The following CAP2 variants were observed in gnomAD, a reference collection of about 807,000 sequenced individuals.
CAP2 encodes the protein cyclase associated actin cytoskeleton regulatory protein 2, also known as adenylyl cyclase-associated protein 2.
In CAP2, 24 loss-of-function variants were observed where a neutral mutation model predicts 57.7. The ratio of observed to expected loss-of-function variants is 0.42; its 90% CI spans 0.30 to 0.58. CAP2 has a LOEUF of 0.58. Ranked by LOEUF, CAP2 falls within the 20% of genes least tolerant of loss-of-function variation. The pLI, the probability that CAP2 is intolerant of heterozygous loss-of-function variation, is 0.22. For synonymous variants in CAP2, 194 were observed against 207.2 expected, an observed-to-expected ratio of 0.94 and a Z score of 0.55; for missense variants, 501 against 590.3, an observed-to-expected ratio of 0.85 and a Z score of 1.57.
chr6:17,449,672 G>A (rs974296167), intron 3 of CAP2, among the ~76,000 whole-genome samples: 2 of 152,086 alleles, frequency 1.3e-5, no homozygotes, highest in East Asian at 1.9e-4. Context: ...GCCTCCCAAA[G>A]TGTTGGGATT....
intron 4 of CAP2, among the ~76,000 whole-genome samples, chr6:17,503,024 C>T (rs756259936): frequency 6.6e-5 from 10 of 152,116 alleles, no homozygotes; most frequent in Non-Finnish European, 1.5e-4. Context: ...TTTTTGGCAG[C>T]CATTAACAAA....
chr6:17,453,596 T>G (rs1760470683), intron 3 of CAP2, among the ~76,000 whole-genome samples: 1 of 152,188 alleles, frequency 6.6e-6, no homozygotes, highest in Admixed American at 6.5e-5. Context: ...AACCCCATGC[T>G]AGGCTCAGCA....
chr6:17,539,504 G>A (rs1355777781), intron 8 of CAP2, 46 bp downstream of exon 8: 4 of 1,494,686 alleles, frequency 2.7e-6, no homozygotes, highest in Non-Finnish European at 3.7e-6. Context: ...TTTCCCTCTG[G>A]CTCCCAGACA....
At chr6:17,524,480 T>G (rs1210234818) in intron 7 of CAP2, among the ~76,000 whole-genome samples, 1 of 152,170 alleles carries the variant, frequency 6.6e-6, no homozygotes, top group African/African-American at 2.4e-5. Flanking sequence ...GCCAGCGGTG[T>G]TAGACAGCAG....
chr6:17,512,687 C>G (rs547409227), intron 6 of CAP2, among the ~76,000 whole-genome samples: 1 of 152,080 alleles, frequency 6.6e-6, no homozygotes, highest in Non-Finnish European at 1.5e-5. Context: ...TGAGGTAAAG[C>G]GACAATGAGA....
chr6:17,427,651 A>G (rs1759627870), intron 3 of CAP2, among the ~76,000 whole-genome samples: 1 of 151,870 alleles, frequency 6.6e-6, no homozygotes, highest in South Asian at 2.1e-4. Flanking sequence ...CAACAATTTC[A>G]CTTCTATGTA....
chr6:17,422,782 A>G (rs1759482972), intron 2 of CAP2, among the ~76,000 whole-genome samples: 3 of 152,232 alleles, frequency 2.0e-5, no homozygotes, highest in African/African-American at 7.2e-5. Context: ...GTTATCTACA[A>G]TAATTTTTCC....
chr6:17,467,810 A>G (rs1352776924), intron 4 of CAP2, among the ~76,000 whole-genome samples: 1 of 152,222 alleles, frequency 6.6e-6, no homozygotes, highest in African/African-American at 2.4e-5. Context: ...GGCATGAGCC[A>G]CAGCACCCGG....
At chr6:17,404,714 T>C (rs1389237826) in intron 1 of CAP2, among the ~76,000 whole-genome samples, 2 of 144,662 alleles carry the variant, frequency 1.4e-5, no homozygotes, top group African/African-American at 2.6e-5. Flanking sequence ...GAGGTTGCAG[T>C]GAGCCAAGAT....
chr6:17,431,582 C>T (rs1263457662), intron 3 of CAP2, among the ~76,000 whole-genome samples: 1 of 152,138 alleles, frequency 6.6e-6, no homozygotes, highest in Non-Finnish European at 1.5e-5. Flanking sequence ...AAATCATCTA[C>T]AAAATAGCTT....
intron 3 of CAP2, among the ~76,000 whole-genome samples, chr6:17,451,659 G>A (rs1395454108): frequency 3.3e-5 from 5 of 151,938 alleles, no homozygotes; most frequent in East Asian, 1.9e-4. Flanking sequence ...ACAGGAACCC[G>A]CCACCACGCT....
intron 12 of CAP2, among the ~76,000 whole-genome samples, chr6:17,554,936 G>A (rs76044118): frequency 0.018 from 2,812 of 152,272 alleles, 75 homozygotes; most frequent in African/African-American, 0.062. Flanking sequence ...TTGTCTGTAC[G>A]TGTGTGTACG....
At chr6:17,489,203 G>A (rs1393806210) in intron 4 of CAP2, among the ~76,000 whole-genome samples, 1 of 152,158 alleles carries the variant, frequency 6.6e-6, no homozygotes, top group Non-Finnish European at 1.5e-5. Flanking sequence ...GGAGGCTAAG[G>A]CGGGCACATC....
intron 3 of CAP2, among the ~76,000 whole-genome samples, chr6:17,451,684 A>G (rs1318164722): frequency 6.6e-6 from 1 of 151,902 alleles, no homozygotes. Context: ...TAATTTTTGT[A>G]TTTTTAGTAG....
intron 11 of CAP2, among the ~76,000 whole-genome samples, chr6:17,544,235 T>A (rs1762986793): frequency 6.6e-6 from 1 of 152,066 alleles, no homozygotes; most frequent in Non-Finnish European, 1.5e-5. Flanking sequence ...GATGGGTATA[T>A]GATTTGAGTG....
At chr6:17,462,891 T>G in intron 3 of CAP2, 105 bp from the exon 4 acceptor site, 1 of 809,630 alleles carries the variant, frequency 1.2e-6, no homozygotes, top group Admixed American at 2.1e-5. Context: ...GAAGATATAT[T>G]TTCATTTTTC....
chr6:17,491,100 G>A (rs2113635078), intron 4 of CAP2, among the ~76,000 whole-genome samples: 1 of 152,272 alleles, frequency 6.6e-6, no homozygotes. Flanking sequence ...AGAAATGTGA[G>A]TTTCTGATCC....
intron 4 of CAP2, among the ~76,000 whole-genome samples, chr6:17,470,829 C>G (rs1379870456): frequency 6.6e-6 from 1 of 152,166 alleles, no homozygotes. Flanking sequence ...TATTGTCTTT[C>G]CAAAAACTCA....
intron 3 of CAP2, among the ~76,000 whole-genome samples, chr6:17,440,200 G>A (rs1760030379): frequency 6.6e-6 from 1 of 151,624 alleles, no homozygotes; most frequent in Non-Finnish European, 1.5e-5. Context: ...TCCTTCAGGA[G>A]TAGGATTAAG....
Sources: allele counts gnomAD v4.1 joint callset (sites outside exome capture counted in the v4.1 genomes callset), GRCh38; gene constraint gnomAD v4.1.1; transcripts MANE v1.5; gene names NCBI Gene and HGNC (gene_info 2026-07-23, HGNC 2026-07-21).